The following NHSL1 variants were observed in gnomAD, a reference collection of about 807,000 sequenced individuals.
The protein encoded by NHSL1 is NHS-like protein 1.
A neutral mutation model predicts 95.0 loss-of-function variants in NHSL1; 48 were observed. That is an observed-to-expected ratio of 0.51 (90% CI 0.40 to 0.64). The LOEUF (loss-of-function observed/expected upper bound fraction) is 0.64. NHSL1 is among the 30% of genes least tolerant of loss of function. NHSL1 has a pLI of 0.00. For synonymous variants in NHSL1, 783 were observed against 833.9 expected, an observed-to-expected ratio of 0.94 and a Z score of 1.05; for missense variants, 1,971 against 2,077.7, an observed-to-expected ratio of 0.95 and a Z score of 1.00.
rs1443013028 is a variant in NHSL1, at chr6:138,423,793, C to T, written c.*288G>A. 2 of 284,168 alleles carry T rather than the reference C, an allele frequency of 7.0e-6. No homozygotes were observed. Among genetic ancestry groups the T allele is most frequent in the African/African-American group, 5.2e-5 (2 of 38,096 alleles). 17.6% of individuals were successfully genotyped at this position (284,168 alleles called of 1,614,324 possible). On this transcript the variant is annotated 3_prime_UTR_variant, in exon 8 of 8. Coordinates refer to ENST00000343505, the MANE Select transcript of NHSL1 (RefSeq NM_001144060.2). ...AAAATTAAAAAGTGTGGAAAATGCA[C>T]ACATACACACCCAGCATTTAGCAAA... is the stretch of plus-strand genomic sequence containing the variant.
Position 138,553,451 on chromosome 6 carries a change from G to A in NHSL1, c.202+18259C>T, listed in dbSNP as rs1452298523. On this transcript the variant is annotated intron_variant, in intron 1 of 6. Transcript: ENST00000427025. ...GGTATTACAATTCTGCCCACCCAACGTGAGTGATCCTTAAAGCAGCAACTT... is the reference window on the plus strand; with the variant it reads ...GGTATTACAATTCTGCCCACCCAACATGAGTGATCCTTAAAGCAGCAACTT... Among the ~76,000 whole-genome samples the A allele has an allele frequency of 5.3e-5, 8 of 152,276 alleles. No individual in the cohort carries two copies. In the South Asian group the frequency reaches 1.0e-3, roughly 20 times the overall value.
intron 1 of NHSL1, among the ~76,000 whole-genome samples, chr6:138,637,989 A>C (rs1292463236): frequency 1.3e-5 from 2 of 152,220 alleles, no homozygotes; most frequent in Non-Finnish European, 2.9e-5. Context: ...ATGGATTTTT[A>C]AAATGTAGTA....
intron 1 of NHSL1, among the ~76,000 whole-genome samples, chr6:138,688,447 C>G (rs986479030): frequency 7.9e-5 from 12 of 151,904 alleles, no homozygotes; most frequent in Non-Finnish European, 1.3e-4. Flanking sequence ...AGTTCAAGAC[C>G]AGCCTGGTCA....
Position 138,430,835 on chromosome 6 carries a change from C to G in NHSL1, c.3510G>C (p.Gly1170=), listed in dbSNP as rs1775593564. 1 of 1,550,752 alleles carries G rather than the reference C, an allele frequency of 6.4e-7. No homozygotes were observed. Among genetic ancestry groups the G allele is most frequent in the Non-Finnish European group, 8.7e-7 (1 of 1,146,790 alleles). ...VSRSPGAPSA[G]EAEARPSPST... is the part of the protein sequence containing the mutation. ...TGGGGCTGGGCCGAGCCTCTGCCTC[C>G]CCAGCGCTTGGAGCTCCAGGGCTGC... The change falls in exon 6 of 8, where the codon GGG becomes GGC. Residue 1170 remains glycine (G), a synonymous_variant. Coordinates refer to ENST00000343505, the MANE Select transcript of NHSL1 (RefSeq NM_001144060.2). The surrounding 1 kb of genome is among the most constrained non-coding windows in gnomAD (Gnocchi z 4.7).
intron 3 of NHSL1, among the ~76,000 whole-genome samples, chr6:138,462,391 C>T (rs1420730778): frequency 6.6e-6 from 1 of 152,132 alleles, no homozygotes; most frequent in African/African-American, 2.4e-5. Flanking sequence ...CCCACAAGAA[C>T]CAATCCCATC....
At chr6:138,441,918 G>A in intron 5 of NHSL1, 65 bp downstream of exon 5, 1 of 1,390,720 alleles carries the variant, frequency 7.2e-7, no homozygotes, top group South Asian at 1.6e-5. Context: ...CACCATGAAT[G>A]AGGTTAGCGC....
At position 138,466,640 on chromosome 6, in the gene NHSL1, G is replaced by A. The variant is rs567065520; in HGVS notation, c.339+6666C>T. Among the ~76,000 whole-genome samples, 3 of 152,242 alleles carry A rather than the reference G, an allele frequency of 2.0e-5. No homozygotes were observed. The South Asian group carries it at 6.2e-4, about 32-fold the overall frequency. ...ACAACAGGCCGCATATATGATGGTG[G>A]TCCCATAAGATCATAACGGAGCTGA... On this transcript the variant is annotated intron_variant, in intron 3 of 7. Transcript: ENST00000343505.
intron 1 of NHSL1, among the ~76,000 whole-genome samples, chr6:138,593,515 G>A (rs144965835): frequency 6.6e-6 from 1 of 152,322 alleles, no homozygotes; most frequent in African/African-American, 2.4e-5. Context: ...AAATCAGTGA[G>A]GCCAACGGCT....
At chr6:138,666,551 C>G (rs1444984701) in intron 1 of NHSL1, among the ~76,000 whole-genome samples, 1 of 143,924 alleles carries the variant, frequency 6.9e-6, no homozygotes, top group Admixed American at 7.2e-5. Context: ...GAGATTGCAC[C>G]ACTGCATTTC....
chr6:138,565,449 C>T (rs576947632), intron 1 of NHSL1, among the ~76,000 whole-genome samples: 89 of 151,544 alleles, frequency 5.9e-4, no homozygotes, highest in African/African-American at 2.1e-3. Flanking sequence ...ACAGTGTAGA[C>T]TCATGGATGG....
chr6:138,644,037 T>A (rs577949669), intron 1 of NHSL1, among the ~76,000 whole-genome samples: 1 of 151,074 alleles, frequency 6.6e-6, no homozygotes, highest in Non-Finnish European at 1.5e-5. Context: ...CTCAAGTGCC[T>A]CTATCTTGGG....
chr6:138,572,626 G>T (rs1019580006), upstream of NHSL1: 1 of 152,160 alleles, frequency 6.6e-6, no homozygotes, highest in East Asian at 1.9e-4. Context: ...TGCGAAAGAC[G>T]ATAGGCTTTC....
At chr6:138,668,369 G>A (rs1029923466) in intron 1 of NHSL1, among the ~76,000 whole-genome samples, 2 of 152,018 alleles carry the variant, frequency 1.3e-5, no homozygotes, top group African/African-American at 4.8e-5. Flanking sequence ...CTTGAACCTG[G>A]GAGGCGGAGG....
At chr6:138,632,477 G>T (rs1203510008) in intron 1 of NHSL1, among the ~76,000 whole-genome samples, 2 of 152,212 alleles carry the variant, frequency 1.3e-5, no homozygotes, top group Non-Finnish European at 2.9e-5. Flanking sequence ...GGTAACCAAA[G>T]GGGTGCTGTG....
intron 3 of NHSL1, among the ~76,000 whole-genome samples, chr6:138,470,309 A>G (rs1228729929): frequency 6.6e-6 from 1 of 152,112 alleles, no homozygotes; most frequent in East Asian, 1.9e-4. Context: ...TTATTTTTTG[A>G]GAAAGGGTCT....
Position 138,496,275 on chromosome 6 carries a change from G to C in NHSL1, c.155C>G (p.Pro52Arg). ...ENVFLPTTRP[P>R]CVEDLHRQAK... ...TTGGCGGTGCAGGTCCTCAACACAG[G>C]GGGGTCTTGTGGTGGGAAGGAACAC... Residue 52 changes from proline (P) to arginine (R), a missense_variant, in exon 2 of 8, where the codon CCC becomes CGC. Physicochemically the swap from Pro to Arg is moderately radical, Grantham distance 103 (BLOSUM62 -2). This residue lies in a region of NHSL1 where 1,602 missense variants were observed against 1,654.5 expected (regional missense o/e 0.97). Coordinates refer to ENST00000343505, the MANE Select transcript of NHSL1 (RefSeq NM_001144060.2). 6.4e-7 allele frequency: 1 copy of C among 1,551,066 alleles called. No homozygotes were observed.
At chr6:138,625,081 A>G (rs1420095976) in intron 1 of NHSL1, among the ~76,000 whole-genome samples, 20 of 152,214 alleles carry the variant, frequency 1.3e-4, no homozygotes, top group Non-Finnish European at 5.9e-5. Flanking sequence ...ATTAATTTAC[A>G]AAGATATAAT....
intron 1 of NHSL1, among the ~76,000 whole-genome samples, chr6:138,617,321 C>T (rs1784593591): frequency 6.6e-6 from 1 of 152,130 alleles, no homozygotes; most frequent in African/African-American, 2.4e-5. Flanking sequence ...ATGAAGTTGC[C>T]ATTGCTCCTG....
At chr6:138,602,270 C>T (rs914265982) in intron 1 of NHSL1, among the ~76,000 whole-genome samples, 2 of 152,130 alleles carry the variant, frequency 1.3e-5, no homozygotes, top group African/African-American at 4.8e-5. Flanking sequence ...TTTCAGCATA[C>T]AGATTTTGTA....
Sources: allele counts gnomAD v4.1 joint callset (sites outside exome capture counted in the v4.1 genomes callset), GRCh38; gene constraint gnomAD v4.1.1; regional missense constraint gnomAD v4.1.1; non-coding constraint Gnocchi (gnomAD v3.1); transcripts MANE v1.5; gene names NCBI Gene and HGNC (gene_info 2026-07-23, HGNC 2026-07-21).